Variants in ANK3 observed in about 807,000 individuals in gnomAD.
ANK3 encodes ankyrin 3.
In ANK3, 57 loss-of-function variants were observed where a neutral mutation model predicts 370.9. The ratio of observed to expected loss-of-function variants is 0.15; its 90% CI spans 0.12 to 0.19. The LOEUF (loss-of-function observed/expected upper bound fraction) is 0.19. ANK3 is among the 10% of genes least tolerant of loss of function. The probability of loss-of-function intolerance (pLI) is 1.00; values close to 1 mark genes in which losing one functional copy is unlikely to be tolerated. For missense variants in ANK3, 4,439 were observed against 5,302.1 expected (o/e 0.84, Z 5.06); for synonymous variants, 1,929 against 1,946.3 (o/e 0.99, Z 0.23).
intron 2 of ANK3, among the ~76,000 whole-genome samples, chr10:60,399,012 T>A (rs1313438331): frequency 6.6e-6 from 1 of 152,236 alleles, no homozygotes; most frequent in Non-Finnish European, 1.5e-5. Flanking sequence ...CATAAATTAC[T>A]TCAATTACTT....
chr10:60,110,276 A>T (rs2092603408), intron 26 of ANK3, among the ~76,000 whole-genome samples: 1 of 152,064 alleles, frequency 6.6e-6, no homozygotes, highest in Non-Finnish European at 1.5e-5. Flanking sequence ...TTTTCAAGCA[A>T]ACTGGCCTGT....
At chr10:60,647,385 T>A (rs2078722873) in intron 1 of ANK3, among the ~76,000 whole-genome samples, 1 of 152,228 alleles carries the variant, frequency 6.6e-6, no homozygotes, top group Non-Finnish European at 1.5e-5. Flanking sequence ...AAAGTTTTAT[T>A]TCATGTACAA....
chr10:60,349,610 A>T (rs990452725), intron 1 of ANK3, among the ~76,000 whole-genome samples: 1 of 152,200 alleles, frequency 6.6e-6, no homozygotes, highest in Non-Finnish European at 1.5e-5. Context: ...AAATAACTCA[A>T]ATTCTTTGGC....
chr10:60,403,148 A>G (rs1376927888), intron 2 of ANK3, among the ~76,000 whole-genome samples: 2 of 152,220 alleles, frequency 1.3e-5, no homozygotes, highest in Non-Finnish European at 2.9e-5. Context: ...ACACAAGATG[A>G]AAAGGAAAAT....
intron 9 of ANK3, among the ~76,000 whole-genome samples, chr10:60,209,450 A>C (rs1464551802): frequency 6.6e-6 from 1 of 152,296 alleles, no homozygotes; most frequent in African/African-American, 2.4e-5. Context: ...ACTCTCTGAC[A>C]TATATTTCAA....
intron 1 of ANK3, among the ~76,000 whole-genome samples, chr10:60,384,404 CAT>C (rs972826919): frequency 3.3e-5 from 5 of 152,186 alleles, no homozygotes; most frequent in South Asian, 2.1e-4. Context: ...TAAAGTTTCA[CAT>C]GTCTAGAAAA....
intron 16 of ANK3, among the ~76,000 whole-genome samples, chr10:60,195,232 A>G (rs954974198): frequency 1.3e-5 from 2 of 152,014 alleles, no homozygotes; most frequent in Non-Finnish European, 2.9e-5. Flanking sequence ...AAAATACAAA[A>G]AATTGGCCAG....
intron 2 of ANK3, among the ~76,000 whole-genome samples, chr10:60,597,931 C>G (rs2078010598): frequency 6.6e-6 from 1 of 152,146 alleles, no homozygotes; most frequent in Admixed American, 6.5e-5. Flanking sequence ...GTTCACGAAG[C>G]TTGGTTCCTT....
At chr10:60,634,956 A>G (rs1001743991) in intron 1 of ANK3, among the ~76,000 whole-genome samples, 16 of 152,182 alleles carry the variant, frequency 1.1e-4, no homozygotes, top group African/African-American at 3.6e-4. Context: ...CGCACACACC[A>G]TCTTTAAGAA....
chr10:60,244,327 C>G (rs1241670167), intron 7 of ANK3, among the ~76,000 whole-genome samples: 1 of 152,130 alleles, frequency 6.6e-6, no homozygotes, highest in Non-Finnish European at 1.5e-5. Flanking sequence ...GAGAGGTTAT[C>G]ATTAAGGGAA....
At chr10:60,051,548 C>G (rs2078001414) in intron 42 of ANK3, 5 of 985,612 alleles carry the variant, frequency 5.1e-6, no homozygotes, top group East Asian at 1.1e-4. Context: ...ATCACTCTCA[C>G]TGTCTTTCAA....
At chr10:60,527,574 G>C (rs1036708748) in intron 2 of ANK3, among the ~76,000 whole-genome samples, 5 of 152,002 alleles carry the variant, frequency 3.3e-5, no homozygotes, top group African/African-American at 1.2e-4. Flanking sequence ...GAAAAAATTT[G>C]CCTTTCCATA....
chr10:60,530,453 C>CAAAA lies in ANK3; in HGVS notation c.96+84729_96+84732dup, dbSNP rs5785453. 2.4e-3 allele frequency among the ~76,000 whole-genome samples: 347 copies of CAAAA among 145,390 alleles called. 1 individual carries two copies. The highest frequency in any genetic ancestry group is 7.8e-3 in the African/African-American group (309 of 39,548). On this transcript the variant is annotated intron_variant, in intron 2 of 43. Coordinates refer to the ANK3 transcript ENST00000373827. The stretch of plus-strand genomic sequence containing the variant: ...AATCCTCAATTCTGTTAATCTTCAC[C>CAAAA]AAAAAAAAAAAAACCCTATGATATA...
chr10:60,662,806 T>C (rs529502511), intron 1 of ANK3, among the ~76,000 whole-genome samples: 1 of 152,288 alleles, frequency 6.6e-6, no homozygotes, highest in Admixed American at 6.5e-5. Flanking sequence ...TCAAAAGATA[T>C]CTGTTGAATG....
intron 24 of ANK3, chr10:60,137,389 A>AAAAAAC (rs1565245945): frequency 2.7e-6 from 1 of 367,604 alleles, no homozygotes; most frequent in African/African-American, 2.2e-5. Flanking sequence ...AAAAAAAAAA[A>AAAAAAC]AAACAAGAAA....
chr10:60,691,152 G>A (rs1287195347), intron 1 of ANK3, among the ~76,000 whole-genome samples: 1 of 152,136 alleles, frequency 6.6e-6, no homozygotes, highest in Non-Finnish European at 1.5e-5. Flanking sequence ...TCCATGGCAA[G>A]TCTCCCCATC....
At chr10:60,046,877 G>A (rs139636524) in intron 42 of ANK3, among the ~76,000 whole-genome samples, 11,160 of 148,398 alleles carry the variant, frequency 0.075, 602 homozygotes, top group African/African-American at 0.15. Flanking sequence ...CGCGATCTTG[G>A]CTCACTGCAA....
In ANK3 at chr10:60,235,781, C is replaced by T. The variant is rs538391805; in HGVS notation, c.799-995G>A. Among the ~76,000 whole-genome samples the T allele has an allele frequency of 4.6e-5, 7 of 152,186 alleles. No homozygotes were observed. In the South Asian group the frequency reaches 1.0e-3, roughly 23 times the overall value. On this transcript the variant is annotated intron_variant, in intron 7 of 43. Coordinates refer to ENST00000280772, the MANE Select transcript of ANK3 (RefSeq NM_020987.5). ...AATTACATCATAAATGAACTAGGCT[C>T]ACAGGGATTATGTATTTATAATTCG... is the stretch of plus-strand genomic sequence containing the variant.
At chr10:60,165,102 A>C (rs1488916808) in intron 23 of ANK3, among the ~76,000 whole-genome samples, 3 of 152,188 alleles carry the variant, frequency 2.0e-5, no homozygotes, top group Non-Finnish European at 4.4e-5. Context: ...GCCTCTCATC[A>C]ATGGGGATAA....
Sources: gnomAD v4.1 joint callset for allele counts (sites outside exome capture counted in the v4.1 genomes callset) on GRCh38, gnomAD v4.1.1 for gene constraint, MANE v1.5 for transcripts, NCBI Gene and HGNC (gene_info 2026-07-23, HGNC 2026-07-21) for gene names.